Variants in SHOC2 observed in about 807,000 individuals in gnomAD.
SHOC2 encodes leucine-rich repeat protein SHOC-2.
A neutral mutation model predicts 50.2 loss-of-function variants in SHOC2; 4 were observed. The observed-to-expected ratio is 0.08, with a 90% CI of 0.04 to 0.18. The LOEUF (loss-of-function observed/expected upper bound fraction) is 0.18, where lower values mean the gene tolerates loss of function less well. SHOC2 is among the 10% of genes least tolerant of loss of function. The pLI is 1.00. For synonymous variants in SHOC2, 218 were observed against 244.5 expected (o/e 0.89, Z 1.01); for missense variants, 388 against 669.6 (o/e 0.58, Z 4.64).
At chr10:110,959,177 A>G (rs908641677) in intron 1 of SHOC2, among the ~76,000 whole-genome samples, 1 of 152,232 alleles carries the variant, frequency 6.6e-6, no homozygotes, top group Non-Finnish European at 1.5e-5. Context: ...AAGTTTGTAC[A>G]TATGTCCTCA....
At chr10:110,975,176 G>A (rs569767763) in intron 2 of SHOC2, among the ~76,000 whole-genome samples, 6 of 145,448 alleles carry the variant, frequency 4.1e-5, no homozygotes, top group African/African-American at 1.5e-4. Context: ...TTTTTTTTGA[G>A]ATGGAGTCTC....
intron 1 of SHOC2, among the ~76,000 whole-genome samples, chr10:110,962,560 A>G (rs984731774): frequency 5.3e-5 from 8 of 152,136 alleles, no homozygotes; most frequent in Non-Finnish European, 2.9e-5. Context: ...AGAATCTTAT[A>G]TACCAGTAAA....
chr10:110,947,903 A>C (rs958398788), intron 1 of SHOC2, among the ~76,000 whole-genome samples: 1 of 152,182 alleles, frequency 6.6e-6, no homozygotes, highest in Admixed American at 6.5e-5. Context: ...ATGTAAATGG[A>C]TTAAGTTCTC....
At chr10:111,007,970 A>G (rs528971616) in intron 6 of SHOC2, among the ~76,000 whole-genome samples, 1 of 151,612 alleles carries the variant, frequency 6.6e-6, no homozygotes, top group Admixed American at 6.6e-5. Flanking sequence ...AAACTACACC[A>G]TTGTCTACCA....
At chr10:110,919,580 A>G (rs1219687677), upstream of SHOC2, 2 of 389,772 alleles carry the variant, frequency 5.1e-6, no homozygotes, top group African/African-American at 2.2e-5. Flanking sequence ...GCGGTTGGGC[A>G]GCGTCGCTTC....
At chr10:110,926,954 T>G (rs555193203) in intron 1 of SHOC2, among the ~76,000 whole-genome samples, 1 of 152,340 alleles carries the variant, frequency 6.6e-6, no homozygotes, top group South Asian at 2.1e-4. Context: ...AGGTAGATAC[T>G]ATAATTACTA....
chr10:110,947,795 G>A (rs1321718861), intron 1 of SHOC2, among the ~76,000 whole-genome samples: 1 of 147,560 alleles, frequency 6.8e-6, no homozygotes, highest in Non-Finnish European at 1.5e-5. Context: ...AAATCGCAAA[G>A]GAAAACATTA....
intron 3 of SHOC2, 77 bp from the exon 4 acceptor site, chr10:111,000,338 T>C: frequency 7.1e-7 from 1 of 1,415,682 alleles, no homozygotes; most frequent in Non-Finnish European, 9.9e-7. Flanking sequence ...TGTAAATAGT[T>C]AGTAGATAGC....
At chr10:110,999,440 A>C (rs1848325657) in intron 3 of SHOC2, among the ~76,000 whole-genome samples, 1 of 152,114 alleles carries the variant, frequency 6.6e-6, no homozygotes, top group African/African-American at 2.4e-5. Flanking sequence ...CAAGAAAAGT[A>C]GAAAATAAAA....
chr10:111,001,117 C>T lies in SHOC2; in HGVS notation c.972+572C>T, dbSNP rs539388116. Among the ~76,000 whole-genome samples the T allele has an allele frequency of 1.7e-4, 25 of 144,086 alleles. 1 individual carries two copies. The South Asian group carries it at 5.1e-3, about 29-fold the overall frequency. The allele number at this position is 144,086 out of a possible 152,430, so 94.5% of individuals were successfully genotyped here. On this transcript the variant is annotated intron_variant, in intron 4 of 8. Transcript: ENST00000369452. ...GTTGATTCTATTAGAAAAATATTTTCACTTATTTTGCTTAGGGATTAATTG... is the reference window on the plus strand; with the variant it reads ...GTTGATTCTATTAGAAAAATATTTTTACTTATTTTGCTTAGGGATTAATTG...
At chr10:110,966,545 A>G (rs1847678334) in intron 2 of SHOC2, among the ~76,000 whole-genome samples, 1 of 152,146 alleles carries the variant, frequency 6.6e-6, no homozygotes, top group South Asian at 2.1e-4. Context: ...ACTCAGTCCT[A>G]AAAGTCTAGC....
chr10:110,962,608 T>A (rs949000883), intron 1 of SHOC2, among the ~76,000 whole-genome samples: 1 of 152,176 alleles, frequency 6.6e-6, no homozygotes, highest in Non-Finnish European at 1.5e-5. Flanking sequence ...AGATTATTCA[T>A]CCTCTACCCC....
At chr10:110,947,320 G>A (rs1476254623) in intron 1 of SHOC2, among the ~76,000 whole-genome samples, 1 of 152,236 alleles carries the variant, frequency 6.6e-6, no homozygotes, top group Non-Finnish European at 1.5e-5. Context: ...TAGCCTGCTG[G>A]AGAAGTCAGG....
At chr10:110,993,900 A>G (rs936459344) in intron 3 of SHOC2, among the ~76,000 whole-genome samples, 4 of 152,198 alleles carry the variant, frequency 2.6e-5, no homozygotes, top group African/African-American at 9.6e-5. Flanking sequence ...TTTATCTACC[A>G]TGATACTGTA....
At chr10:110,930,423 T>C (rs1252047874) in intron 1 of SHOC2, among the ~76,000 whole-genome samples, 1 of 152,128 alleles carries the variant, frequency 6.6e-6, no homozygotes, top group Non-Finnish European at 1.5e-5. Flanking sequence ...ATAGACTTAG[T>C]GAAGAAATAT....
intron 1 of SHOC2, among the ~76,000 whole-genome samples, chr10:110,946,847 T>G (rs1393652805): frequency 6.6e-6 from 1 of 152,124 alleles, no homozygotes; most frequent in East Asian, 1.9e-4. Flanking sequence ...ATCAGATTTT[T>G]TAAGCAAGGG....
intron 1 of SHOC2, among the ~76,000 whole-genome samples, chr10:110,929,391 G>T (rs547446754): frequency 6.6e-6 from 1 of 152,214 alleles, no homozygotes; most frequent in Admixed American, 6.5e-5. Flanking sequence ...CATGTTTGTG[G>T]TATGGAAATT....
chr10:110,967,301 G>A (rs1847694094), intron 2 of SHOC2, among the ~76,000 whole-genome samples: 1 of 152,112 alleles, frequency 6.6e-6, no homozygotes, highest in Non-Finnish European at 1.5e-5. Context: ...CGTTTCCACT[G>A]TAGTCTCCCC....
intron 1 of SHOC2, among the ~76,000 whole-genome samples, chr10:110,942,432 C>T (rs1847165791): frequency 6.6e-6 from 1 of 152,162 alleles, no homozygotes; most frequent in Non-Finnish European, 1.5e-5. Flanking sequence ...ACTACAGCCT[C>T]TAACTCCTGA....
Sources: allele counts gnomAD v4.1 joint callset (sites outside exome capture counted in the v4.1 genomes callset), GRCh38; gene constraint gnomAD v4.1.1; transcripts MANE v1.5; gene names NCBI Gene and HGNC (gene_info 2026-07-23, HGNC 2026-07-21).